The following OLA1 variants were observed in gnomAD, a reference collection of about 807,000 sequenced individuals.
The protein encoded by OLA1 is Obg like ATPase 1, also known as obg-like ATPase 1.
Under a neutral mutation model 48.4 loss-of-function variants are expected in OLA1, and 14 were observed. The observed-to-expected ratio is 0.29, with a 90% confidence interval of 0.19 to 0.45. The LOEUF (loss-of-function observed/expected upper bound fraction) is 0.45. Ranked by LOEUF, OLA1 falls within the 20% of genes least tolerant of loss-of-function variation. OLA1 has a pLI of 1.00. For missense variants in OLA1, 325 were observed against 467.1 expected, an observed-to-expected ratio of 0.70 and a Z score of 2.80; for synonymous variants, 127 against 150.4, an observed-to-expected ratio of 0.84 and a Z score of 1.14.
At chr2:174,080,025 A>G (rs936818284) in intron 9 of OLA1, among the ~76,000 whole-genome samples, 12 of 152,078 alleles carry the variant, frequency 7.9e-5, no homozygotes, top group Admixed American at 7.2e-4. Context: ...TTTAAAATAC[A>G]TCTTTAAAAT....
At chr2:174,150,089 A>G (rs558928863) in intron 4 of OLA1, among the ~76,000 whole-genome samples, 2 of 152,290 alleles carry the variant, frequency 1.3e-5, no homozygotes, top group East Asian at 1.9e-4. Context: ...GTGTTCCGCG[A>G]AAGTTCATGT....
intron 7 of OLA1, among the ~76,000 whole-genome samples, chr2:174,095,306 C>A (rs911321896): frequency 6.8e-6 from 1 of 146,272 alleles, no homozygotes; most frequent in Non-Finnish European, 1.5e-5. Flanking sequence ...CACATCTTTG[C>A]CAGCACTTGT....
intron 4 of OLA1, among the ~76,000 whole-genome samples, chr2:174,171,231 A>G (rs1322703855): frequency 6.6e-6 from 1 of 152,196 alleles, no homozygotes; most frequent in Non-Finnish European, 1.5e-5. Flanking sequence ...ACTAGACAAA[A>G]AAATCAGTAA....
Position 174,116,095 on chromosome 2 carries a change from GT to G in OLA1, c.728+7084del, listed in dbSNP as rs200283971. 4.6e-5 allele frequency among the ~76,000 whole-genome samples: 7 copies of G among 152,156 alleles called. No homozygotes were observed. The East Asian group carries it at 9.7e-4, about 21-fold the overall frequency. On this transcript the variant is annotated intron_variant, in intron 7 of 10. Coordinates refer to ENST00000284719, the MANE Select transcript of OLA1 (RefSeq NM_013341.5). ...TTTGAAATTTGCATTTATAATGACA[GT>G]TTTTTTTACCAAGTTTTGCTTTTCT...
chr2:174,092,825 G>A (rs1685159863), intron 7 of OLA1, among the ~76,000 whole-genome samples: 1 of 152,098 alleles, frequency 6.6e-6, no homozygotes, highest in South Asian at 2.1e-4. Flanking sequence ...GACCTGGGGA[G>A]GCATATCTGA....
At chr2:174,172,927 T>G (rs1687341839) in intron 4 of OLA1, among the ~76,000 whole-genome samples, 1 of 151,880 alleles carries the variant, frequency 6.6e-6, no homozygotes. Context: ...TAAAAGAGAG[T>G]GGCACTCTCT....
intron 4 of OLA1, among the ~76,000 whole-genome samples, chr2:174,207,117 AC>A (rs909372421): frequency 1.8e-4 from 27 of 152,212 alleles, no homozygotes; most frequent in African/African-American, 6.0e-4. Flanking sequence ...ACAACACCTA[AC>A]TTAACCTAAG....
chr2:174,222,945 T>C, intron 4 of OLA1, 88 bp downstream of exon 4: 1 of 1,341,144 alleles, frequency 7.5e-7, no homozygotes, highest in Admixed American at 2.4e-5. Flanking sequence ...CAATCTTCCA[T>C]TAGTCATTTC....
intron 3 of OLA1, among the ~76,000 whole-genome samples, chr2:174,227,115 AAAAG>A (rs1371126906): frequency 6.6e-6 from 1 of 151,780 alleles, no homozygotes; most frequent in Non-Finnish European, 1.5e-5. Context: ...AGAAAGAAAG[AAAAG>A]AAAGGCCAGG....
At chr2:174,233,191 G>A (rs557130268) in intron 2 of OLA1, among the ~76,000 whole-genome samples, 3 of 151,980 alleles carry the variant, frequency 2.0e-5, no homozygotes, top group Non-Finnish European at 4.4e-5. Context: ...TCAAAATCAT[G>A]GAAACAGTAG....
chr2:174,232,670 T>C (rs1688757857), intron 2 of OLA1, among the ~76,000 whole-genome samples: 1 of 152,034 alleles, frequency 6.6e-6, no homozygotes, highest in Non-Finnish European at 1.5e-5. Flanking sequence ...GATATAACCT[T>C]ACAATTATTA....
chr2:174,193,766 C>T (rs1482269420), intron 4 of OLA1, among the ~76,000 whole-genome samples: 2 of 152,088 alleles, frequency 1.3e-5, no homozygotes, highest in Non-Finnish European at 2.9e-5. Context: ...GCTGTCTATT[C>T]TTTTTTCCTC....
At chr2:174,237,729 G>A (rs996725744) in intron 2 of OLA1, among the ~76,000 whole-genome samples, 2 of 152,150 alleles carry the variant, frequency 1.3e-5, no homozygotes, top group African/African-American at 4.8e-5. Context: ...ACTCCAGCCT[G>A]GGCAATGGAG....
At chr2:174,158,082 T>C (rs1267237678) in intron 4 of OLA1, among the ~76,000 whole-genome samples, 1 of 152,206 alleles carries the variant, frequency 6.6e-6, no homozygotes, top group Non-Finnish European at 1.5e-5. Flanking sequence ...AAAATGGGTA[T>C]GATCTCCCTG....
At chr2:174,087,779 C>T (rs1194730667) in intron 7 of OLA1, among the ~76,000 whole-genome samples, 3 of 152,176 alleles carry the variant, frequency 2.0e-5, no homozygotes, top group Non-Finnish European at 4.4e-5. Flanking sequence ...AACCTTTCAA[C>T]TACCTCTAGC....
At chr2:174,221,095 T>C (rs554625185) in intron 4 of OLA1, among the ~76,000 whole-genome samples, 6 of 152,326 alleles carry the variant, frequency 3.9e-5, no homozygotes, top group South Asian at 4.1e-4. Flanking sequence ...ATATATACAC[T>C]GTATTTCATC....
At chr2:174,116,859 T>C (rs1229516692) in intron 7 of OLA1, among the ~76,000 whole-genome samples, 2 of 152,206 alleles carry the variant, frequency 1.3e-5, no homozygotes, top group African/African-American at 4.8e-5. Context: ...CTGAGATATA[T>C]GAAATCACAA....
chr2:174,216,622 A>G lies in OLA1; in HGVS notation c.373+6411T>C, dbSNP rs577766827. On this transcript the variant is annotated intron_variant, in intron 4 of 10. Transcript: ENST00000284719. The stretch of plus-strand genomic sequence containing the variant: ...GGCTGGAGTACAGTGGCACAATCAT[A>G]GCTCACCACAGCCTCAAACTCTTGG... 2.0e-5 allele frequency among the ~76,000 whole-genome samples: 3 copies of G among 152,216 alleles called. No individual in the cohort carries two copies. In the East Asian group the frequency reaches 5.8e-4, roughly 29 times the overall value.
At chr2:174,077,119 G>C (rs545153393) in intron 10 of OLA1, among the ~76,000 whole-genome samples, 1 of 151,912 alleles carries the variant, frequency 6.6e-6, no homozygotes, top group Non-Finnish European at 1.5e-5. Flanking sequence ...TGTGAATCTT[G>C]AGTATGTATT....
Sources: gnomAD v4.1 joint callset for allele counts (sites outside exome capture counted in the v4.1 genomes callset) on GRCh38, gnomAD v4.1.1 for gene constraint, MANE v1.5 for transcripts, NCBI Gene and HGNC (gene_info 2026-07-23, HGNC 2026-07-21) for gene names.